Variants in CAPZB observed in about 807,000 individuals in gnomAD.
CAPZB encodes the protein F-actin-capping protein subunit beta.
CAPZB carries 2 observed loss-of-function variants against 38.1 expected under a neutral mutation model. That is an observed-to-expected ratio of 0.05 (90% CI 0.02 to 0.17). The LOEUF (loss-of-function observed/expected upper bound fraction) is 0.17, where lower values mean the gene tolerates loss of function less well. Among genes scored for constraint, CAPZB ranks in the 10% least tolerant of loss-of-function variants. CAPZB has a pLI of 1.00. For missense variants in CAPZB, 161 were observed against 334.2 expected (o/e 0.48, Z 4.04); for synonymous variants, 107 against 127.4 (o/e 0.84, Z 1.08).
At chr1:19,354,561 G>T (rs2094009852) in intron 6 of CAPZB, among the ~76,000 whole-genome samples, 1 of 152,234 alleles carries the variant, frequency 6.6e-6, no homozygotes, top group Admixed American at 6.5e-5. Context: ...CAGAGCAAAA[G>T]GCAACGCAAA....
chr1:19,412,709 T>TG (rs1360008684), intron 2 of CAPZB, among the ~76,000 whole-genome samples: 1 of 152,136 alleles, frequency 6.6e-6, no homozygotes, highest in Non-Finnish European at 1.5e-5. Flanking sequence ...ATGAGTACTT[T>TG]GGGGAAAGAA....
At chr1:19,422,583 A>C (rs1281708363) in intron 1 of CAPZB, among the ~76,000 whole-genome samples, 1 of 152,090 alleles carries the variant, frequency 6.6e-6, no homozygotes, top group Non-Finnish European at 1.5e-5. Context: ...AAAAATACAA[A>C]AAAATTAGCC....
chr1:19,389,759 C>T (rs954183387), intron 2 of CAPZB, among the ~76,000 whole-genome samples: 5 of 152,146 alleles, frequency 3.3e-5, no homozygotes, highest in African/African-American at 1.2e-4. Context: ...AATCTGACAG[C>T]CAATCCCCAC....
At chr1:19,344,573 G>A (rs563876515) in intron 7 of CAPZB, 139 bp from the exon 8 acceptor site, 29 of 688,858 alleles carry the variant, frequency 4.2e-5, no homozygotes, top group Admixed American at 2.9e-4. Flanking sequence ...ATCAGTGAGC[G>A]CGCTCCAGGC....
intron 2 of CAPZB, among the ~76,000 whole-genome samples, chr1:19,386,815 G>A (rs2094206682): frequency 6.6e-6 from 1 of 152,158 alleles, no homozygotes; most frequent in African/African-American, 2.4e-5. Flanking sequence ...TCTGGCCTTG[G>A]TGAGATGATC....
At chr1:19,484,157 G>C (rs1236649290) in intron 1 of CAPZB, 1 of 1,601,202 alleles carries the variant, frequency 6.2e-7, no homozygotes, top group Non-Finnish European at 8.5e-7. Context: ...CACCACGAGC[G>C]GAGCCAGCAC....
chr1:19,388,640 C>T (rs967961018), intron 2 of CAPZB, among the ~76,000 whole-genome samples: 1 of 152,106 alleles, frequency 6.6e-6, no homozygotes, highest in South Asian at 2.1e-4. Context: ...TCATGAAAGC[C>T]CTGGCATTTT....
At chr1:19,474,138 C>T (rs7553034) in intron 1 of CAPZB, among the ~76,000 whole-genome samples, 18,046 of 151,842 alleles carry the variant, frequency 0.12, 1,175 homozygotes, top group East Asian at 0.19. Context: ...TAGGACTACA[C>T]GTGTGTGCCA....
chr1:19,416,860 CAAAAAAAAAAAAAAA>C (rs59789230), intron 2 of CAPZB, among the ~76,000 whole-genome samples: 1 of 69,452 alleles, frequency 1.4e-5, no homozygotes, highest in South Asian at 5.4e-4. Flanking sequence ...GACCCTGTCT[CAAAAAAAAAAAAAAA>C]AAAAAAAAAA....
At chr1:19,440,347 A>G (rs2094471855) in intron 1 of CAPZB, among the ~76,000 whole-genome samples, 1 of 152,178 alleles carries the variant, frequency 6.6e-6, no homozygotes, top group Non-Finnish European at 1.5e-5. Flanking sequence ...CATAAAATAC[A>G]CCTTTGTAAT....
chr1:19,383,693 GCCTAAA>G (rs1245162871), intron 3 of CAPZB, among the ~76,000 whole-genome samples: 2 of 152,072 alleles, frequency 1.3e-5, no homozygotes, highest in African/African-American at 4.8e-5. Context: ...CACATCCCCA[GCCTAAA>G]CCTCTCTCCT....
At chr1:19,443,722 A>G (rs552826973) in intron 1 of CAPZB, among the ~76,000 whole-genome samples, 1 of 152,322 alleles carries the variant, frequency 6.6e-6, no homozygotes, top group African/African-American at 2.4e-5. Flanking sequence ...AAGGAAAGCA[A>G]GGCACAGAGA....
rs1026894920 is a variant in CAPZB at position 19,398,927 on chromosome 1, G to A, written c.94-13301C>T. Reference sequence around the variant, plus strand: ...GGCTGCAGTGCAATGGAGCGATCTCGAGTACCGCAACCTCCGCCTCCCAGG... The same window carrying A: ...GGCTGCAGTGCAATGGAGCGATCTCAAGTACCGCAACCTCCGCCTCCCAGG... On this transcript the variant is annotated intron_variant, in intron 2 of 8. Transcript: ENST00000264202. Among the ~76,000 whole-genome samples the A allele has an allele frequency of 4.7e-5, 7 of 150,252 alleles. No individual in the cohort carries two copies. The East Asian group carries it at 5.9e-4, about 13-fold the overall frequency.
intron 1 of CAPZB, among the ~76,000 whole-genome samples, chr1:19,475,621 A>AG (rs2094604220): frequency 1.3e-5 from 2 of 152,228 alleles, no homozygotes; most frequent in Admixed American, 1.3e-4. Context: ...ACAACTGGGT[A>AG]GGCCCTAGGA....
At chr1:19,442,009 C>CAAAACAAAAAA in intron 1 of CAPZB, among the ~76,000 whole-genome samples, 1 of 86,056 alleles carries the variant, frequency 1.2e-5, no homozygotes, top group Non-Finnish European at 2.1e-5. Flanking sequence ...ACTCTGTCTC[C>CAAAACAAAAAA]AAAAAAAAAA....
chr1:19,371,152 T>C (rs2094117471), intron 4 of CAPZB, among the ~76,000 whole-genome samples: 1 of 152,194 alleles, frequency 6.6e-6, no homozygotes, highest in African/African-American at 2.4e-5. Flanking sequence ...CAGGAATCAT[T>C]AATTCCATTT....
At chr1:19,431,871 G>C (rs565573817) in intron 1 of CAPZB, among the ~76,000 whole-genome samples, 7 of 151,670 alleles carry the variant, frequency 4.6e-5, no homozygotes, top group Non-Finnish European at 5.9e-5. Flanking sequence ...GACCCCAGTA[G>C]TTCAAGACCA....
intron 2 of CAPZB, among the ~76,000 whole-genome samples, chr1:19,396,043 G>A (rs1393657739): frequency 6.6e-6 from 1 of 152,224 alleles, no homozygotes; most frequent in Non-Finnish European, 1.5e-5. Context: ...TTCAGGGTCT[G>A]ATTCGGCCAC....
intron 4 of CAPZB, among the ~76,000 whole-genome samples, chr1:19,360,650 A>G (rs2094047979): frequency 6.6e-6 from 1 of 152,206 alleles, no homozygotes; most frequent in Non-Finnish European, 1.5e-5. Context: ...CCTCAGTCCC[A>G]TCCCTGAGCG....
Sources: allele counts gnomAD v4.1 joint callset (sites outside exome capture counted in the v4.1 genomes callset), GRCh38; gene constraint gnomAD v4.1.1; transcripts MANE v1.5; gene names NCBI Gene and HGNC (gene_info 2026-07-23, HGNC 2026-07-21).